Variants in ADCY1 observed in about 807,000 individuals in gnomAD.
ADCY1 encodes the protein adenylate cyclase 1, also known as adenylate cyclase type 1.
ADCY1 carries 28 observed loss-of-function variants against 105.4 expected under a neutral mutation model. The ratio of observed to expected loss-of-function variants is 0.27; its 90% CI spans 0.20 to 0.36. The LOEUF is 0.36. ADCY1 is among the 10% of genes least tolerant of loss of function. The pLI is 1.00. For missense variants in ADCY1, 977 were observed against 1,434.2 expected (o/e 0.68, Z 5.15); for synonymous variants, 655 against 623.8 (o/e 1.05, Z -0.75).
At chr7:45,691,127 A>G (rs1784779545) in intron 14 of ADCY1, among the ~76,000 whole-genome samples, 1 of 152,154 alleles carries the variant, frequency 6.6e-6, no homozygotes, top group Admixed American at 6.5e-5. Flanking sequence ...GTTCTTTGAA[A>G]TGTTATTAAA....
intron 8 of ADCY1, among the ~76,000 whole-genome samples, chr7:45,669,161 G>C (rs550122555): frequency 1.3e-4 from 20 of 152,010 alleles, no homozygotes; most frequent in African/African-American, 3.1e-4. Flanking sequence ...TTATTTCTTG[G>C]CTTCCGCTAG....
At chr7:45,611,424 G>A (rs1356539302) in intron 3 of ADCY1, among the ~76,000 whole-genome samples, 6 of 152,084 alleles carry the variant, frequency 3.9e-5, no homozygotes, top group African/African-American at 1.5e-4. Flanking sequence ...ACCTGGCTTT[G>A]AGCAGTGACA....
At chr7:45,601,376 C>T (rs1481253442) in intron 2 of ADCY1, among the ~76,000 whole-genome samples, 1 of 152,164 alleles carries the variant, frequency 6.6e-6, no homozygotes, top group African/African-American at 2.4e-5. Context: ...GATCCACCAG[C>T]CCTGAGTGTG....
intron 4 of ADCY1, among the ~76,000 whole-genome samples, chr7:45,628,152 T>G (rs1189774056): frequency 6.6e-6 from 1 of 152,186 alleles, no homozygotes; most frequent in Non-Finnish European, 1.5e-5. Context: ...GAATCTGCAT[T>G]TTGCTAACTG....
intron 1 of ADCY1, among the ~76,000 whole-genome samples, chr7:45,590,532 G>A (rs1415315626): frequency 6.6e-6 from 1 of 152,042 alleles, no homozygotes; most frequent in Admixed American, 6.6e-5. Flanking sequence ...AGACATCCAT[G>A]GTGTTTGGTG....
intron 4 of ADCY1, among the ~76,000 whole-genome samples, chr7:45,631,796 C>T (rs530581845): frequency 1.3e-5 from 2 of 152,334 alleles, no homozygotes; most frequent in South Asian, 4.1e-4. Flanking sequence ...TGCCAGCTAT[C>T]TAAGCCAAGC....
At chr7:45,583,323 T>TGGACA (rs1394745046) in intron 1 of ADCY1, among the ~76,000 whole-genome samples, 2 of 152,184 alleles carry the variant, frequency 1.3e-5, no homozygotes, top group Non-Finnish European at 2.9e-5. Flanking sequence ...TGGGAGCAGG[T>TGGACA]GGACAGGATG....
intron 8 of ADCY1, among the ~76,000 whole-genome samples, chr7:45,672,636 TA>T (rs1280451117): frequency 6.6e-6 from 1 of 152,162 alleles, no homozygotes; most frequent in Non-Finnish European, 1.5e-5. Flanking sequence ...GAAATACCAT[TA>T]TTTTTTACGT....
At chr7:45,614,042 C>G (rs1793663872) in intron 3 of ADCY1, among the ~76,000 whole-genome samples, 3 of 152,002 alleles carry the variant, frequency 2.0e-5, no homozygotes, top group Admixed American at 2.0e-4. Flanking sequence ...TGAAAGGATG[C>G]AAAACAACAA....
At chr7:45,615,524 A>G (rs1366295632) in intron 3 of ADCY1, among the ~76,000 whole-genome samples, 1 of 152,196 alleles carries the variant, frequency 6.6e-6, no homozygotes, top group Non-Finnish European at 1.5e-5. Context: ...GCTTGTGCCC[A>G]GGAGGTTGAG....
intron 1 of ADCY1, among the ~76,000 whole-genome samples, chr7:45,578,805 T>G (rs1792429718): frequency 6.6e-6 from 1 of 152,230 alleles, no homozygotes; most frequent in South Asian, 2.1e-4. Context: ...CTTCCTCCCT[T>G]TGCTACTTTA....
At chr7:45,644,025 TA>T (rs1794592523) in intron 4 of ADCY1, among the ~76,000 whole-genome samples, 1 of 152,226 alleles carries the variant, frequency 6.6e-6, no homozygotes, top group African/African-American at 2.4e-5. Context: ...TAAAATTTCT[TA>T]TTTCGTTCTT....
rs1008576436 is a variant in ADCY1 at position 45,715,233 on chromosome 7, G to T, written c.*1238G>T. 6 of 152,440 alleles carry T rather than the reference G, an allele frequency of 3.9e-5. No homozygotes were observed. The highest frequency in any genetic ancestry group is 1.2e-4 in the African/African-American group (5 of 41,468). The allele number at this position is 152,440 out of a possible 1,614,324, so 9.4% of individuals were successfully genotyped here. ...CACTATCCAGAAATAGTGGACAGAGGTCTGGCATGTGGAAACCTTGGATCT... is the reference window on the plus strand; with the variant it reads ...CACTATCCAGAAATAGTGGACAGAGTTCTGGCATGTGGAAACCTTGGATCT... On this transcript the variant is annotated 3_prime_UTR_variant, in exon 20 of 20. Transcript: ENST00000297323.
intron 5 of ADCY1, among the ~76,000 whole-genome samples, chr7:45,656,506 T>C (rs1354952999): frequency 2.6e-5 from 4 of 152,192 alleles, no homozygotes; most frequent in Non-Finnish European, 4.4e-5. Flanking sequence ...CTCCATGTGC[T>C]ATGGTTTTTG....
rs12721473 is a variant in ADCY1 at position 45,660,101 on chromosome 7, C to T, written c.1367C>T (p.Pro456Leu). ...ACLNGDYEVE[P>L]GYGHERNSFL... ...TTGAATGGGGACTACGAGGTAGAACCGGGTTACGGACATGAGAGGAACAGT... is the reference window on the plus strand; with the variant it reads ...TTGAATGGGGACTACGAGGTAGAACTGGGTTACGGACATGAGAGGAACAGT... Residue 456 changes from proline (P) to leucine (L), a missense_variant, in exon 7 of 20, where the codon CCG becomes CTG. This residue lies in a region of ADCY1 where 66 missense variants were observed against 127.2 expected (regional missense o/e 0.52). Coordinates refer to ENST00000297323, the MANE Select transcript of ADCY1 (RefSeq NM_021116.4). 3.7e-5 allele frequency: 60 copies of T among 1,614,082 alleles called. No individual in the cohort carries two copies. The highest frequency in any genetic ancestry group is 2.5e-4 in the East Asian group (11 of 44,892).
At chr7:45,583,937 GTTTTTTTT>G (rs869216986) in intron 1 of ADCY1, among the ~76,000 whole-genome samples, 6 of 56,900 alleles carry the variant, frequency 1.1e-4, no homozygotes, top group East Asian at 7.2e-4. Flanking sequence ...ACTGTGCCCT[GTTTTTTTT>G]TTTTTTTTTT....
intron 2 of ADCY1, among the ~76,000 whole-genome samples, chr7:45,599,472 G>A (rs990029046): frequency 2.7e-5 from 4 of 150,900 alleles, no homozygotes; most frequent in African/African-American, 4.9e-5. Context: ...TATCAGCTCC[G>A]GGAATCCCAG....
At position 45,685,976 on chromosome 7, in the gene ADCY1, T is replaced by C. The variant is rs757297092; in HGVS notation, c.2088T>C (p.Pro696=). ...TCCCTTCCCAGGTGGGCTGCCTGCC[T>C]TGGGCCTGGAGCTCCAAGCCCAACA... ...VAQGCVVGCL[P]WAWSSKPNSS... Residue 696 remains proline, a synonymous_variant, in exon 13 of 20, where the codon CCT becomes CCC. Coordinates refer to ENST00000297323, the MANE Select transcript of ADCY1 (RefSeq NM_021116.4). 1 of 1,613,306 alleles carries C rather than the reference T, an allele frequency of 6.2e-7. No individual in the cohort carries two copies. The highest frequency in any genetic ancestry group is 1.1e-5 in the South Asian group (1 of 91,018).
At chr7:45,610,239 G>T (rs1055030050) in intron 2 of ADCY1, 140 bp from the exon 3 acceptor site, 4 of 692,450 alleles carry the variant, frequency 5.8e-6, no homozygotes, top group Non-Finnish European at 1.0e-5. Flanking sequence ...GGAGGGAGTT[G>T]CTTGTTCAGT....
Sources: gnomAD v4.1 joint callset for allele counts (sites outside exome capture counted in the v4.1 genomes callset) on GRCh38, gnomAD v4.1.1 for gene constraint, gnomAD v4.1.1 regional missense constraint, MANE v1.5 for transcripts, NCBI Gene and HGNC (gene_info 2026-07-23, HGNC 2026-07-21) for gene names.